ATP8A2: variants seen among roughly 807,000 people sequenced by gnomAD.
ATP8A2 encodes the protein ATPase phospholipid transporting 8A2, also known as phospholipid-transporting ATPase IB.
Under a neutral mutation model 165.6 loss-of-function variants are expected in ATP8A2, and 100 were observed. That is an observed-to-expected ratio of 0.60 (90% CI 0.51 to 0.71). ATP8A2 has a LOEUF of 0.71. Among genes scored for constraint, ATP8A2 ranks in the 30% least tolerant of loss-of-function variants. The pLI is 0.00. For missense variants in ATP8A2, 1,227 were observed against 1,479.5 expected, an observed-to-expected ratio of 0.83 and a Z score of 2.80; for synonymous variants, 543 against 548.8, an observed-to-expected ratio of 0.99 and a Z score of 0.15.
chr13:25,431,017 T>TACACAC (rs200780545), intron 1 of ATP8A2, among the ~76,000 whole-genome samples: 1 of 151,970 alleles, frequency 6.6e-6, no homozygotes, highest in African/African-American at 2.4e-5. Flanking sequence ...CACACATATA[T>TACACAC]ATACACACAC....
intron 24 of ATP8A2, among the ~76,000 whole-genome samples, chr13:25,637,928 A>G (rs182705704): frequency 2.0e-4 from 30 of 152,302 alleles, no homozygotes; most frequent in African/African-American, 7.0e-4. Context: ...GAATGATCAG[A>G]CAGCAACATT....
chr13:25,581,936 C>T lies in ATP8A2; in HGVS notation c.2125C>T (p.Gln709Ter). ...IKIWVLTGDK[Q>*]ETAINIGYSC... ...AATATGGGTGTTGACAGGAGACAAA[C>T]AAGAAACTGCGATTAATATAGGTAA... The change falls in exon 23 of 37, where the codon CAA (glutamine) becomes TAA (stop). Residue 709 changes from glutamine to a stop codon, truncating the protein, a stop_gained. Coordinates refer to ENST00000381655, the MANE Select transcript of ATP8A2 (RefSeq NM_016529.6). LOFTEE classifies it high-confidence loss of function. 1 of 1,611,052 alleles carries T rather than the reference C, an allele frequency of 6.2e-7. No individual in the cohort carries two copies. The highest frequency in any genetic ancestry group is 8.5e-7 in the Non-Finnish European group (1 of 1,179,012).
intron 25 of ATP8A2, among the ~76,000 whole-genome samples, chr13:25,720,174 T>C (rs968840552): frequency 7.0e-6 from 1 of 142,976 alleles, no homozygotes; most frequent in Non-Finnish European, 1.5e-5. Flanking sequence ...TTTCTTTTTT[T>C]TTTTTTTTTT....
At chr13:25,973,759 A>G (rs561406339) in intron 35 of ATP8A2, among the ~76,000 whole-genome samples, 31 of 152,208 alleles carry the variant, frequency 2.0e-4, no homozygotes, top group Non-Finnish European at 4.1e-4. Context: ...CATGTCGCTG[A>G]GCCAGCCTGA....
chr13:25,389,502 G>A (rs796898188), intron 1 of ATP8A2, among the ~76,000 whole-genome samples: 4 of 152,220 alleles, frequency 2.6e-5, no homozygotes, highest in Non-Finnish European at 2.9e-5. Context: ...CTAGAGCACC[G>A]AGGGTGAAAT....
intron 24 of ATP8A2, among the ~76,000 whole-genome samples, chr13:25,590,673 C>A (rs943313895): frequency 2.0e-5 from 3 of 152,110 alleles, no homozygotes; most frequent in Non-Finnish European, 4.4e-5. Context: ...CCCATAGCAC[C>A]CTTTCAGGCA....
chr13:25,655,117 G>T (rs185874651), intron 24 of ATP8A2, among the ~76,000 whole-genome samples: 4 of 152,284 alleles, frequency 2.6e-5, no homozygotes, highest in Admixed American at 2.0e-4. Context: ...CTCACCCATG[G>T]TGGGTGGTCT....
chr13:25,661,281 G>A (rs1566023942), intron 24 of ATP8A2, among the ~76,000 whole-genome samples: 1 of 152,118 alleles, frequency 6.6e-6, no homozygotes, highest in Non-Finnish European at 1.5e-5. Context: ...CACTGCCGAG[G>A]CTACCCCTAC....
At position 26,025,116 on chromosome 13, in the gene ATP8A2, C is replaced by CAAAAAAAAA; in HGVS notation, c.*5144_*5152dup. 2.2e-3 allele frequency: 207 copies of CAAAAAAAAA among 93,862 alleles called. No homozygotes were observed. The highest frequency in any genetic ancestry group is 6.1e-3 in the Middle Eastern group (1 of 164). The allele number at this position is 93,862 out of a possible 1,614,324, so 5.8% of individuals were successfully genotyped here. A position where few individuals can be genotyped will look rare whatever the true frequency, so the allele number is the denominator to read the frequency against. ...GTGAATCAATAAACACCAACAACAA[C>CAAAAAAAAA]AAAAAAAAAAAAAAAAAAAAAGGAA... On this transcript the variant is annotated 3_prime_UTR_variant, in exon 37 of 37. Transcript: ENST00000381655.
chr13:25,646,273 T>C (rs2041667871), intron 24 of ATP8A2, among the ~76,000 whole-genome samples: 2 of 152,296 alleles, frequency 1.3e-5, no homozygotes, highest in South Asian at 4.1e-4. Flanking sequence ...GAAATATCTT[T>C]TTCTATCTCT....
chr13:25,789,522 A>G (rs2045113642), intron 27 of ATP8A2, among the ~76,000 whole-genome samples: 3 of 152,198 alleles, frequency 2.0e-5, no homozygotes, highest in Admixed American at 2.0e-4. Context: ...TACTTAGGTA[A>G]CTAGGGAGGT....
intron 24 of ATP8A2, among the ~76,000 whole-genome samples, chr13:25,672,746 C>T (rs2042294236): frequency 6.6e-6 from 1 of 152,126 alleles, no homozygotes; most frequent in African/African-American, 2.4e-5. Context: ...AAATCTGTAC[C>T]AGTAGGTCCC....
At chr13:25,431,314 A>C (rs2034604649) in intron 1 of ATP8A2, among the ~76,000 whole-genome samples, 1 of 151,888 alleles carries the variant, frequency 6.6e-6, no homozygotes, top group Non-Finnish European at 1.5e-5. Flanking sequence ...ATGCCTGGCT[A>C]ATTTTATATT....
intron 1 of ATP8A2, among the ~76,000 whole-genome samples, chr13:25,446,061 A>G (rs1380173360): frequency 6.6e-6 from 1 of 152,202 alleles, no homozygotes; most frequent in Admixed American, 6.5e-5. Context: ...AGAGAGAGAT[A>G]TGGGATGTGC....
rs371348576 is a variant in ATP8A2, at chr13:25,957,968, A to C, written c.3184-3607A>C. ...GGATGAGTTCATGTCCTTTGCAGGG[A>C]CATGGTTGAAGCTGGAAACCATCAT... On this transcript the variant is annotated intron_variant, in intron 33 of 36. Coordinates refer to ENST00000381655, the MANE Select transcript of ATP8A2 (RefSeq NM_016529.6). 1.4e-4 allele frequency among the ~76,000 whole-genome samples: 21 copies of C among 152,250 alleles called. 1 individual carries two copies. In the East Asian group the frequency reaches 3.7e-3, roughly 27 times the overall value.
intron 24 of ATP8A2, among the ~76,000 whole-genome samples, chr13:25,678,795 T>A (rs944208656): frequency 6.6e-6 from 1 of 152,170 alleles, no homozygotes; most frequent in Non-Finnish European, 1.5e-5. Flanking sequence ...CTCTAAGGCT[T>A]CCTCATAAAA....
chr13:25,773,090 G>A (rs149493023), intron 26 of ATP8A2, among the ~76,000 whole-genome samples: 1 of 152,250 alleles, frequency 6.6e-6, no homozygotes, highest in Non-Finnish European at 1.5e-5. Flanking sequence ...AAAGTCATCT[G>A]AAATTAATAA....
chr13:25,767,768 T>C (rs1032836906), intron 25 of ATP8A2, among the ~76,000 whole-genome samples: 12 of 152,242 alleles, frequency 7.9e-5, no homozygotes, highest in Non-Finnish European at 1.8e-4. Flanking sequence ...TTTCTAACTT[T>C]CTAATTTTTA....
At chr13:25,797,477 C>T (rs1442889962) in intron 27 of ATP8A2, among the ~76,000 whole-genome samples, 4 of 151,966 alleles carry the variant, frequency 2.6e-5, no homozygotes. Flanking sequence ...TAATAATTTA[C>T]ATTTTGGTAA....
Sources: allele counts gnomAD v4.1 joint callset (sites outside exome capture counted in the v4.1 genomes callset), GRCh38; gene constraint gnomAD v4.1.1; transcripts MANE v1.5; gene names NCBI Gene and HGNC (gene_info 2026-07-23, HGNC 2026-07-21).